The following RYR3 variants were observed in gnomAD, a reference collection of about 807,000 sequenced individuals.
RYR3 encodes the protein ryanodine receptor 3.
A neutral mutation model predicts 584.3 loss-of-function variants in RYR3; 207 were observed. That is an observed-to-expected ratio of 0.35 (90% CI 0.32 to 0.40). The LOEUF (loss-of-function observed/expected upper bound fraction) is 0.40, where lower values mean the gene tolerates loss of function less well. Among genes scored for constraint, RYR3 ranks in the 10% least tolerant of loss-of-function variants. RYR3 has a pLI of 1.00. For synonymous variants in RYR3, 2,416 were observed against 2,248.5 expected (o/e 1.07, Z -2.11); for missense variants, 5,616 against 6,089.2 (o/e 0.92, Z 2.59).
intron 52 of RYR3, among the ~76,000 whole-genome samples, chr15:33,743,446 A>G (rs2070372562): frequency 6.6e-6 from 1 of 152,200 alleles, no homozygotes; most frequent in African/African-American, 2.4e-5. Context: ...CATAGAGAAA[A>G]CATAAACAAA....
intron 3 of RYR3, among the ~76,000 whole-genome samples, chr15:33,510,655 A>G (rs958340684): frequency 6.6e-6 from 1 of 151,490 alleles, no homozygotes; most frequent in Admixed American, 6.6e-5. Flanking sequence ...TTTAGGGGAC[A>G]TATCATGTAT....
At position 33,562,987 on chromosome 15, in the gene RYR3, C is replaced by T. The variant is rs760328686; in HGVS notation, c.1123C>T (p.Arg375Cys). The change falls in exon 11 of 104, where the codon CGC (arginine) becomes TGC (cysteine). Residue 375 changes from arginine to cysteine, a missense_variant. Arg to Cys is a radical substitution (Grantham distance 180). This residue lies in a region of RYR3 where 1,284 missense variants were observed against 1,344.6 expected (regional missense o/e 0.95). Coordinates refer to ENST00000634891, the MANE Select transcript of RYR3 (RefSeq NM_001036.6). ...TYKAQDAKTS[R>C]LGPLKRKVIL... is the part of the protein sequence containing the mutation. ...CAAAGCACAAGACGCCAAAACTTCC[C>T]GCCTGGGACCTCTAAAAAGAAAGGT... The T allele has an allele frequency of 2.0e-5, 32 of 1,609,308 alleles. No homozygotes were observed. The highest frequency in any genetic ancestry group is 6.7e-5 in the South Asian group (6 of 90,028).
At chr15:33,464,489 T>TATATATATACACACAC (rs1450450145) in intron 1 of RYR3, among the ~76,000 whole-genome samples, 41 of 67,450 alleles carry the variant, frequency 6.1e-4, no homozygotes, top group African/African-American at 3.4e-3. Context: ...TATATATATA[T>TATATATATACACACAC]ACACATATAT....
chr15:33,666,414 G>A (rs1283789149), intron 36 of RYR3, among the ~76,000 whole-genome samples: 2 of 152,178 alleles, frequency 1.3e-5, no homozygotes, highest in African/African-American at 4.8e-5. Context: ...AAAAATGAAA[G>A]AAGGGACACT....
chr15:33,726,036 C>T (rs1350151706), intron 45 of RYR3, among the ~76,000 whole-genome samples: 2 of 145,180 alleles, frequency 1.4e-5, no homozygotes, highest in Non-Finnish European at 3.0e-5. Context: ...ACGCTGTCAA[C>T]ACTTCTGTCG....
chr15:33,414,607 T>C (rs1275173273), intron 1 of RYR3, among the ~76,000 whole-genome samples: 1 of 152,102 alleles, frequency 6.6e-6, no homozygotes, highest in African/African-American at 2.4e-5. Context: ...TTTGAATAAG[T>C]AATTTTTATT....
chr15:33,326,423 G>A (rs1969708750), intron 1 of RYR3, among the ~76,000 whole-genome samples: 1 of 152,160 alleles, frequency 6.6e-6, no homozygotes, highest in Non-Finnish European at 1.5e-5. Flanking sequence ...TGTGGTCAGA[G>A]AGTTAGATAT....
At chr15:33,860,771 G>A (rs369653586) in intron 101 of RYR3, 112 bp downstream of exon 101, 27 of 866,732 alleles carry the variant, frequency 3.1e-5, no homozygotes, top group African/African-American at 1.4e-4. Context: ...AAGCAAGAAC[G>A]CAGTTTGTTT....
intron 74 of RYR3, among the ~76,000 whole-genome samples, chr15:33,814,290 G>A (rs2076691192): frequency 6.6e-6 from 1 of 152,110 alleles, no homozygotes; most frequent in South Asian, 2.1e-4. Context: ...TTATTGCAGA[G>A]TAGGTATGGT....
At chr15:33,725,901 C>T (rs907376112) in intron 45 of RYR3, among the ~76,000 whole-genome samples, 7 of 133,262 alleles carry the variant, frequency 5.3e-5, no homozygotes, top group Non-Finnish European at 6.2e-5. Context: ...ACCTGGGAGG[C>T]GGAGCTTGCA....
intron 8 of RYR3, among the ~76,000 whole-genome samples, chr15:33,545,852 C>T (rs946039159): frequency 1.1e-4 from 16 of 152,136 alleles, no homozygotes; most frequent in African/African-American, 3.9e-4. Context: ...AAATCGTTTT[C>T]AGTCCCTGTA....
At position 33,840,749 on chromosome 15, in the gene RYR3, A is replaced by G; in HGVS notation, c.12979-76A>G. On this transcript the variant is annotated intron_variant, in intron 89 of 103. Coordinates refer to ENST00000634891, the MANE Select transcript of RYR3 (RefSeq NM_001036.6). ...CATTGAAATTTGTGACCAAGAAGCA[A>G]ATGGCCAAGAAAATGTCTCATCATC... The G allele has an allele frequency of 7.9e-6, 11 of 1,397,532 alleles. 1 individual carries two copies. The Middle Eastern group carries it at 2.0e-3, about 248-fold the overall frequency. The allele number at this position is 1,397,532 out of a possible 1,614,324, so 86.6% of individuals were successfully genotyped here.
At chr15:33,571,860 AT>A (rs1362121072) in intron 12 of RYR3, among the ~76,000 whole-genome samples, 1 of 151,906 alleles carries the variant, frequency 6.6e-6, no homozygotes, top group Non-Finnish European at 1.5e-5. Flanking sequence ...TTCTTTTGTT[AT>A]TTTTTGGTCC....
At chr15:33,789,260 C>T (rs1298416723) in intron 67 of RYR3, among the ~76,000 whole-genome samples, 1 of 152,040 alleles carries the variant, frequency 6.6e-6, no homozygotes, top group African/African-American at 2.4e-5. Context: ...CTGACTTTTA[C>T]TCTGAGTCAG....
At chr15:33,586,754 C>CTATAG (rs1372896383) in intron 16 of RYR3, among the ~76,000 whole-genome samples, 1 of 152,176 alleles carries the variant, frequency 6.6e-6, no homozygotes, top group Non-Finnish European at 1.5e-5. Flanking sequence ...ATAGTTCTAA[C>CTATAG]ATCTCTATTT....
At chr15:33,772,263 A>T in intron 63 of RYR3, 105 bp downstream of exon 63, 1 of 644,200 alleles carries the variant, frequency 1.6e-6, no homozygotes, top group East Asian at 2.7e-5. Flanking sequence ...GCAGAGAGAG[A>T]ATTATTCCAT....
intron 67 of RYR3, among the ~76,000 whole-genome samples, chr15:33,789,844 G>T (rs11853406): frequency 0.6 from 84,342 of 139,988 alleles, 26,539 homozygotes; most frequent in East Asian, 0.96. Flanking sequence ...CTGGCTAATT[G>T]TTTGGTATTT....
At chr15:33,749,921 T>C in intron 55 of RYR3, 58 bp from the exon 56 acceptor site, 2 of 1,511,300 alleles carry the variant, frequency 1.3e-6, no homozygotes, top group Non-Finnish European at 9.1e-7. Context: ...CTAGCAGCTA[T>C]GAAGCCAGCT....
rs779820976 is a variant in RYR3 at position 33,848,269 on chromosome 15, A to G, written c.13498-22A>G. The G allele has an allele frequency of 6.8e-6, 11 of 1,612,858 alleles. No homozygotes were observed. The South Asian group carries it at 1.2e-4, about 18-fold the overall frequency. On this transcript the variant is annotated intron_variant, in intron 93 of 103. Coordinates refer to ENST00000634891, the MANE Select transcript of RYR3 (RefSeq NM_001036.6). ...TTAATCACAAAGCCTGCTCTGAGTA[A>G]CCATCCTCCTCCCACTCCTAGGTGC...
Sources: allele counts gnomAD v4.1 joint callset (sites outside exome capture counted in the v4.1 genomes callset), GRCh38; gene constraint gnomAD v4.1.1; regional missense constraint gnomAD v4.1.1; transcripts MANE v1.5; gene names NCBI Gene and HGNC (gene_info 2026-07-23, HGNC 2026-07-21).